Variants in ANKRD36 observed in about 807,000 individuals in gnomAD.
ANKRD36 encodes ankyrin repeat domain 36.
Under a neutral mutation model 278.1 loss-of-function variants are expected in ANKRD36, and 179 were observed. The ratio of observed to expected loss-of-function variants is 0.64; its 90% CI spans 0.57 to 0.73. The LOEUF is 0.73. Ranked by LOEUF, ANKRD36 falls within the 30% of genes least tolerant of loss-of-function variation. ANKRD36 has a pLI of 0.00. For synonymous variants in ANKRD36, 320 were observed against 641.1 expected (o/e 0.50, Z 7.57); for missense variants, 1,159 against 1,956.7 (o/e 0.59, Z 7.69).
At position 97,210,346 on chromosome 2, in the gene ANKRD36, C is replaced by T. The variant is rs549664575; in HGVS notation, c.3367+474C>T. Among the ~76,000 whole-genome samples the T allele has an allele frequency of 7.2e-5, 11 of 151,828 alleles. 1 individual carries two copies. The highest frequency in any genetic ancestry group is 1.3e-4 in the Admixed American group (2 of 15,230). On this transcript the variant is annotated intron_variant, in intron 56 of 75. Transcript: ENST00000420699. Reference sequence around the variant, plus strand: ...GAAGACGGATTGTGAGGCAGGAAGGCGGAATAAGAGGAATTCTTTTATATA... The same window carrying T: ...GAAGACGGATTGTGAGGCAGGAAGGTGGAATAAGAGGAATTCTTTTATATA...
chr2:97,205,624 G>T (rs1240370099), intron 50 of ANKRD36, among the ~76,000 whole-genome samples: 1 of 151,600 alleles, frequency 6.6e-6, no homozygotes, highest in Non-Finnish European at 1.5e-5. Context: ...TGTGTGAGTT[G>T]CTCCTCTGAT....
intron 46 of ANKRD36, 140 bp from the exon 47 acceptor site, chr2:97,202,062 C>T (rs1387663824): frequency 2.4e-5 from 36 of 1,517,344 alleles, no homozygotes; most frequent in South Asian, 9.1e-5. Flanking sequence ...ACGTTCTAGT[C>T]CCCAGACACA....
chr2:97,164,320 AT>A lies in ANKRD36; in HGVS notation c.1458+13del. ...AACCGCCTTTATTCACGGTAAACAT[AT>A]TTTCTTTAATTATTAACAAAATGCT... On this transcript the variant is annotated intron_variant, in intron 19 of 75. Coordinates refer to ENST00000420699, the MANE Select transcript of ANKRD36 (RefSeq NM_001354587.1). 6.5e-7 allele frequency: 1 copy of A among 1,535,000 alleles called. No homozygotes were observed. The highest frequency in any genetic ancestry group is 2.4e-5 in the East Asian group (1 of 40,892).
At chr2:97,187,494 G>GGGGTGC in intron 32 of ANKRD36, 93 bp downstream of exon 32, 1 of 95,518 alleles carries the variant, frequency 1.0e-5, no homozygotes, top group South Asian at 1.4e-4. Flanking sequence ...GGGTGGGGGG[G>GGGGTGC]CTCGCCGAAG....
chr2:97,201,927 A>C (rs112197028), intron 46 of ANKRD36, among the ~76,000 whole-genome samples: 64 of 151,980 alleles, frequency 4.2e-4, no homozygotes, highest in Admixed American at 1.1e-3. Flanking sequence ...ATCACTCGGC[A>C]TATCCACATT....
chr2:97,182,136 C>T (rs1427277083), intron 26 of ANKRD36, among the ~76,000 whole-genome samples: 2 of 151,298 alleles, frequency 1.3e-5, no homozygotes, highest in Non-Finnish European at 1.5e-5. Flanking sequence ...GACATCACAT[C>T]GTATTGCTAA....
chr2:97,172,614 T>C (rs541466823), intron 22 of ANKRD36, among the ~76,000 whole-genome samples: 1 of 152,174 alleles, frequency 6.6e-6, no homozygotes, highest in African/African-American at 2.4e-5. Flanking sequence ...GTGTGTGCTT[T>C]TCAGAGACTA....
rs192623400 is a variant in ANKRD36, at chr2:97,258,969, T to C, written c.*7-5360T>C. Among the ~76,000 whole-genome samples the C allele has an allele frequency of 3.0e-4, 44 of 144,968 alleles. 2 individuals carry two copies. The highest frequency in any genetic ancestry group is 1.1e-3 in the African/African-American group (44 of 41,190). The stretch of plus-strand genomic sequence containing the variant: ...AAATATGCTTGCTAGGCCTTTTTCT[T>C]TTTCTTCTCCTTCAGAAACTGTTAT... On this transcript the variant is annotated intron_variant, in intron 75 of 75. Transcript: ENST00000420699.
At chr2:97,153,428 G>C (rs1271348571) in intron 14 of ANKRD36, among the ~76,000 whole-genome samples, 1 of 152,260 alleles carries the variant, frequency 6.6e-6, no homozygotes, top group Non-Finnish European at 1.5e-5. Flanking sequence ...AAAATCAGAG[G>C]TGCATAGAAT....
intron 8 of ANKRD36, 123 bp downstream of exon 8, chr2:97,142,958 G>A: frequency 7.8e-7 from 1 of 1,287,898 alleles, no homozygotes; most frequent in Non-Finnish European, 1.0e-6. Flanking sequence ...CTGAGATTCT[G>A]CTTTTGTGAT....
intron 54 of ANKRD36, 34 bp downstream of exon 54, chr2:97,208,040 G>T: frequency 1.3e-6 from 2 of 1,483,462 alleles, no homozygotes; most frequent in Non-Finnish European, 1.8e-6. Context: ...GTCATGTTCA[G>T]TGCAGATAGA....
chr2:97,222,757 A>G (rs1175390885), intron 66 of ANKRD36, among the ~76,000 whole-genome samples: 1 of 152,110 alleles, frequency 6.6e-6, no homozygotes, highest in Admixed American at 6.5e-5. Context: ...TTTCCTCTTC[A>G]TTTGTGGTGG....
rs2056756875 is a variant in ANKRD36 at position 97,183,594 on chromosome 2, A to C, written c.1879A>C (p.Lys627Gln). The C allele has an allele frequency of 6.4e-7, 1 of 1,560,834 alleles. No individual in the cohort carries two copies. The change falls in exon 28 of 76, where the codon AAG (lysine) becomes CAG (glutamine). Residue 627 changes from lysine to glutamine, a missense_variant. Transcript: ENST00000420699. ...TCTTTCCATTCAGGTTATATTTAAA[A>C]AGAAAGTTTCTCTTTTGAATATTGC... Reference protein sequence around the residue: ...KQSAWKVIFKKKVSLLNIATR... With the variant: ...KQSAWKVIFKQKVSLLNIATR...
At chr2:97,192,122 C>A (rs572148101) in intron 36 of ANKRD36, among the ~76,000 whole-genome samples, 35 of 151,776 alleles carry the variant, frequency 2.3e-4, no homozygotes, top group African/African-American at 8.4e-4. Flanking sequence ...ATGCTAGTAG[C>A]AGTTTTACTC....
At chr2:97,157,664 GTAC>G (rs1187643366) in intron 15 of ANKRD36, among the ~76,000 whole-genome samples, 2 of 144,248 alleles carry the variant, frequency 1.4e-5, no homozygotes, top group Non-Finnish European at 3.0e-5. Flanking sequence ...TTTAAAGATA[GTAC>G]TACTAAAAAC....
In ANKRD36 at chr2:97,176,185, C is replaced by T. The variant is rs559119288; in HGVS notation, c.1634-3553C>T. On this transcript the variant is annotated intron_variant, in intron 22 of 75. Transcript: ENST00000420699. ...TTCAATTCCTGGGTATCCTTGTTGA[C>T]TTTCTCTCTTGTTGATCTGTCCAAT... Among the ~76,000 whole-genome samples, 546 of 151,876 alleles carry T rather than the reference C, an allele frequency of 3.6e-3. 4 individuals carry two copies. Among genetic ancestry groups the T allele is most frequent in the African/African-American group, 0.012 (518 of 41,470 alleles).
In ANKRD36 at chr2:97,171,264, C is replaced by T. The variant is rs1442432550; in HGVS notation, c.1633+3497C>T. On this transcript the variant is annotated intron_variant, in intron 22 of 75. Coordinates refer to ENST00000420699, the MANE Select transcript of ANKRD36 (RefSeq NM_001354587.1). ...GACACATGCACACGTATGTTTATTG[C>T]GGCACTATTCACAATAGCAAAGACT... is the stretch of plus-strand genomic sequence containing the variant. 7.3e-3 allele frequency among the ~76,000 whole-genome samples: 1,053 copies of T among 143,904 alleles called. 22 individuals carry two copies. In the East Asian group the frequency reaches 0.089, roughly 12 times the overall value. 94.4% of individuals were successfully genotyped at this position (143,904 alleles called of 152,430 possible).
chr2:97,224,611 A>G (rs1470620854), intron 66 of ANKRD36, among the ~76,000 whole-genome samples, 195 bp from the exon 67 acceptor site: 3 of 151,988 alleles, frequency 2.0e-5, no homozygotes, highest in Admixed American at 1.3e-4. Flanking sequence ...CACCACGCCC[A>G]GCTAATTTTT....
intron 22 of ANKRD36, among the ~76,000 whole-genome samples, chr2:97,174,249 A>C (rs2153525868): frequency 6.6e-6 from 1 of 151,944 alleles, no homozygotes; most frequent in East Asian, 1.9e-4. Flanking sequence ...AGGAGTCTTC[A>C]TGAGTATAAA....
Sources: gnomAD v4.1 joint callset for allele counts (sites outside exome capture counted in the v4.1 genomes callset) on GRCh38, gnomAD v4.1.1 for gene constraint, MANE v1.5 for transcripts, NCBI Gene and HGNC (gene_info 2026-07-23, HGNC 2026-07-21) for gene names.